PLXNA2: variants seen among roughly 807,000 people sequenced by gnomAD.
PLXNA2 encodes the protein plexin-A2.
A neutral mutation model predicts 193.5 loss-of-function variants in PLXNA2; 91 were observed. The observed-to-expected ratio is 0.47, with a 90% CI of 0.40 to 0.56. The LOEUF is 0.56. PLXNA2 is among the 20% of genes least tolerant of loss of function. The pLI is 0.00. For missense variants in PLXNA2, 1,995 were observed against 2,503.2 expected (o/e 0.80, Z 4.33); for synonymous variants, 997 against 1,027.3 (o/e 0.97, Z 0.56).
chr1:208,071,221 T>C (rs916002166), intron 12 of PLXNA2, among the ~76,000 whole-genome samples: 2 of 152,170 alleles, frequency 1.3e-5, no homozygotes, highest in African/African-American at 4.8e-5. Flanking sequence ...CTCAGTCCCA[T>C]CAGCATCCTC....
chr1:208,059,329 G>C (rs1665541676), intron 13 of PLXNA2, among the ~76,000 whole-genome samples: 1 of 152,156 alleles, frequency 6.6e-6, no homozygotes, highest in South Asian at 2.1e-4. Context: ...TTTCCTCCAG[G>C]ACTCATTCCT....
At chr1:208,180,082 C>A (rs1367744430) in intron 3 of PLXNA2, among the ~76,000 whole-genome samples, 1 of 152,164 alleles carries the variant, frequency 6.6e-6, no homozygotes, top group Admixed American at 6.5e-5. Context: ...CCCCTGTCAT[C>A]ACATGCAGTG....
chr1:208,058,219 G>A (rs994264848), intron 13 of PLXNA2, among the ~76,000 whole-genome samples: 27 of 152,192 alleles, frequency 1.8e-4, no homozygotes, highest in African/African-American at 6.3e-4. Context: ...TGCTCCATGT[G>A]GAGCCCCTGT....
At chr1:208,201,327 A>G (rs1670547127) in intron 3 of PLXNA2, among the ~76,000 whole-genome samples, 2 of 152,166 alleles carry the variant, frequency 1.3e-5, no homozygotes, top group Non-Finnish European at 2.9e-5. Flanking sequence ...GGCAACTGAC[A>G]CTTCCTTCAG....
chr1:208,227,546 T>G (rs781495512), intron 1 of PLXNA2, among the ~76,000 whole-genome samples: 6 of 152,366 alleles, frequency 3.9e-5, no homozygotes, highest in Non-Finnish European at 5.9e-5. Context: ...GAATGTTTAG[T>G]AAGACTTGGC....
chr1:208,128,518 A>C (rs911505382), intron 4 of PLXNA2, among the ~76,000 whole-genome samples: 1 of 104,046 alleles, frequency 9.6e-6, no homozygotes, highest in Non-Finnish European at 2.1e-5. Flanking sequence ...TAGAGAGGAT[A>C]CGCTAGGCCA....
At chr1:208,039,931 G>A (rs1195790555) in intron 23 of PLXNA2, 61 bp downstream of exon 23, 69 of 1,587,996 alleles carry the variant, frequency 4.3e-5, no homozygotes, top group Non-Finnish European at 2.0e-5. Flanking sequence ...CTGTGGCCAG[G>A]ATCTAAGCAG....
At chr1:208,242,109 A>C (rs1324816786) in intron 1 of PLXNA2, among the ~76,000 whole-genome samples, 1 of 152,160 alleles carries the variant, frequency 6.6e-6, no homozygotes, top group Non-Finnish European at 1.5e-5. Flanking sequence ...GGGTTATTGC[A>C]TAAAAGTTGT....
At chr1:208,136,585 A>G (rs1202766670) in intron 4 of PLXNA2, among the ~76,000 whole-genome samples, 3 of 152,088 alleles carry the variant, frequency 2.0e-5, no homozygotes, top group Non-Finnish European at 2.9e-5. Context: ...GGCCTCACAC[A>G]TCGGCCTGGG....
rs568242763 is a variant in PLXNA2 at position 208,165,179 on chromosome 1, C to T, written c.1372-22716G>A. On this transcript the variant is annotated intron_variant, in intron 3 of 31. Coordinates refer to ENST00000367033, the MANE Select transcript of PLXNA2 (RefSeq NM_025179.4). ...CCTCCTTCTCAGCCTGGAGCTTGGGCATCCTTGGCATGCCAGCAGATCTCT... is the reference window on the plus strand; with the variant it reads ...CCTCCTTCTCAGCCTGGAGCTTGGGTATCCTTGGCATGCCAGCAGATCTCT... 2.8e-4 allele frequency among the ~76,000 whole-genome samples: 43 copies of T among 152,344 alleles called. No homozygotes were observed. The Middle Eastern group carries it at 0.01, about 36-fold the overall frequency.
intron 3 of PLXNA2, among the ~76,000 whole-genome samples, chr1:208,172,767 C>T (rs1192149563): frequency 6.6e-6 from 1 of 152,156 alleles, no homozygotes; most frequent in Non-Finnish European, 1.5e-5. Flanking sequence ...GGAGCCTGCA[C>T]AAAGCTGTTT....
At chr1:208,105,479 C>G (rs554177252) in intron 4 of PLXNA2, among the ~76,000 whole-genome samples, 1 of 152,332 alleles carries the variant, frequency 6.6e-6, no homozygotes, top group East Asian at 1.9e-4. Context: ...CTATTTCCCA[C>G]AGTTTCCCTA....
intron 1 of PLXNA2, among the ~76,000 whole-genome samples, chr1:208,219,133 C>G (rs1671238879): frequency 2.0e-5 from 3 of 152,208 alleles, no homozygotes; most frequent in Non-Finnish European, 2.9e-5. Flanking sequence ...CTTCCCCCTG[C>G]CTCCTGACTC....
At chr1:208,229,084 C>T (rs1465231573) in intron 1 of PLXNA2, among the ~76,000 whole-genome samples, 2 of 152,180 alleles carry the variant, frequency 1.3e-5, no homozygotes, top group African/African-American at 2.4e-5. Flanking sequence ...GGCTCAGCCC[C>T]GCATTCTCTG....
rs952588626 is a variant in PLXNA2 at position 208,045,010 on chromosome 1, G to C, written c.3639+57C>G. ...CAGAAGAGAGCCTTTCCTTAGGACA[G>C]ATCACACATGCACCACGAGGCGGGA... On this transcript the variant is annotated intron_variant, in intron 19 of 31. Coordinates refer to ENST00000367033, the MANE Select transcript of PLXNA2 (RefSeq NM_025179.4). The C allele has an allele frequency of 1.4e-5, 22 of 1,603,024 alleles. No individual in the cohort carries two copies. In the East Asian group the frequency reaches 1.6e-4, roughly 11 times the overall value.
chr1:208,123,583 C>A (rs951377515), intron 4 of PLXNA2, among the ~76,000 whole-genome samples: 1 of 152,300 alleles, frequency 6.6e-6, no homozygotes, highest in African/African-American at 2.4e-5. Flanking sequence ...TGTTAAGAGA[C>A]AAATAAGGGT....
intron 3 of PLXNA2, among the ~76,000 whole-genome samples, chr1:208,175,926 T>C (rs967667709): frequency 7.2e-5 from 11 of 152,198 alleles, no homozygotes; most frequent in Admixed American, 2.0e-4. Flanking sequence ...CTTCCCATTG[T>C]GTGGTATCTT....
At chr1:208,211,688 G>A (rs1278922752) in intron 2 of PLXNA2, among the ~76,000 whole-genome samples, 11 of 103,256 alleles carry the variant, frequency 1.1e-4, no homozygotes, top group Middle Eastern at 0.01. Flanking sequence ...ACGAGACTCC[G>A]TCTCAAAAAA....
intron 11 of PLXNA2, among the ~76,000 whole-genome samples, chr1:208,080,986 C>A (rs1666319920): frequency 6.6e-6 from 1 of 152,220 alleles, no homozygotes; most frequent in African/African-American, 2.4e-5. Context: ...GGCAGAGACA[C>A]TCAGGCTAGT....
Sources: allele counts gnomAD v4.1 joint callset (sites outside exome capture counted in the v4.1 genomes callset), GRCh38; gene constraint gnomAD v4.1.1; transcripts MANE v1.5; gene names NCBI Gene and HGNC (gene_info 2026-07-23, HGNC 2026-07-21).